Variants in EML3 observed in about 807,000 individuals in gnomAD.
The protein encoded by EML3 is EMAP like 3, also known as echinoderm microtubule-associated protein-like 3.
EML3 carries 53 observed loss-of-function variants against 106.7 expected under a neutral mutation model. The observed-to-expected ratio is 0.50, with a 90% CI of 0.40 to 0.62. The LOEUF (loss-of-function observed/expected upper bound fraction) is 0.62. EML3 is among the 20% of genes least tolerant of loss of function. The probability of loss-of-function intolerance (pLI) is 0.00; values close to 1 mark genes in which losing one functional copy is unlikely to be tolerated. For synonymous variants in EML3, 499 were observed against 489.6 expected, an observed-to-expected ratio of 1.02 and a Z score of -0.25; for missense variants, 994 against 1,209.1, an observed-to-expected ratio of 0.82 and a Z score of 2.64.
rs1451572407 is a variant in EML3 at position 62,610,961 on chromosome 11, G to A, written c.484C>T (p.Pro162Ser). 2 of 1,613,700 alleles carry A rather than the reference G, an allele frequency of 1.2e-6. No individual in the cohort carries two copies. Among genetic ancestry groups the A allele is most frequent in the African/African-American group, 1.3e-5 (1 of 74,912 alleles). ...PRRNSSSSSS[P>S]SERPRQKLSR... ...AGCTTCTGCCGAGGCCGCTCTGAGGGGGATGAGGAGGAGGAAGAATTTCTT... is the reference window on the plus strand; with the variant it reads ...AGCTTCTGCCGAGGCCGCTCTGAGGAGGATGAGGAGGAGGAAGAATTTCTT... Residue 162 changes from proline (P) to serine (S), a missense_variant, in exon 4 of 22, where the codon CCC becomes TCC. Physicochemically the swap from Pro to Ser is moderately conservative, Grantham distance 74. Coordinates refer to ENST00000394773, the MANE Select transcript of EML3 (RefSeq NM_153265.3).
rs766821851 is a variant in EML3, at chr11:62,602,677, G to T, written c.2489C>A (p.Ala830Glu). 1 of 1,597,416 alleles carries T rather than the reference G, an allele frequency of 6.3e-7. No homozygotes were observed. Reference protein sequence around the residue: ...LFQYPCARAKAPSRMYGGHGS... With the variant: ...LFQYPCARAKEPSRMYGGHGS... ...GTGGCCCCCGTACATGCGGCTCGGC[G>T]CCTGGGCCGGAGGGAAGAGTTGCGG... The change falls in exon 22 of 22, where the codon GCG becomes GAG. Residue 830 changes from alanine (A) to glutamate (E), a missense_variant and splice_region_variant. This residue lies in a region of EML3 where 713 missense variants were observed against 920.5 expected (regional missense o/e 0.77). Coordinates refer to ENST00000394773, the MANE Select transcript of EML3 (RefSeq NM_153265.3).
chr11:62,611,842 G>A (rs996013810), intron 1 of EML3: 6 of 551,746 alleles, frequency 1.1e-5, no homozygotes, highest in African/African-American at 9.5e-5. Context: ...GCAAAGACTG[G>A]GAGTACCATG....
chr11:62,603,018 C>CGAGGACCG, intron 20 of EML3, 129 bp from the exon 21 acceptor site: 1 of 1,487,244 alleles, frequency 6.7e-7, no homozygotes, highest in South Asian at 1.3e-5. Flanking sequence ...TTCCCGGTCC[C>CGAGGACCG]GAGGGGCCTC....
Position 62,605,978 on chromosome 11 carries a change from A to C in EML3, c.1659T>G (p.Ile553Met). The change falls in exon 14 of 22, where the codon ATT (isoleucine) becomes ATG (methionine). Residue 553 changes from isoleucine (I) to methionine (M), a missense_variant and splice_region_variant. Physicochemically the swap from Ile to Met is conservative, Grantham distance 10 (BLOSUM62 1). This residue lies in a region of EML3 where 713 missense variants were observed against 920.5 expected (regional missense o/e 0.77). Transcript: ENST00000394773. The surrounding 1 kb of genome is among the most constrained non-coding windows in gnomAD (Gnocchi z 5.2). ...PGLVALQEAEIPEHFGAVRAI... is the reference protein window; with the variant it reads ...PGLVALQEAEMPEHFGAVRAI... The stretch of plus-strand genomic sequence containing the variant: ...CTCGCACGGCCCCGAAGTGCTCGGG[A>C]ATCTGCAGAGTGGTAGCAGAATGTC... The C allele has an allele frequency of 6.2e-7, 1 of 1,614,050 alleles. No homozygotes were observed. The highest frequency in any genetic ancestry group is 8.5e-7 in the Non-Finnish European group (1 of 1,180,020).
chr11:62,608,760 T>C lies in EML3; in HGVS notation c.975A>G (p.Thr325=). ...PDGVRVASGQ[T]AGVDKDGKPL... is the part of the protein sequence containing the mutation. ...CCTTTCCATCCTTATCCACTCCAGC[T>C]GTCTGTCCCGAGGCTACCCGAACAC... The change falls in exon 8 of 22, where the codon ACA becomes ACG. Residue 325 remains threonine, a synonymous_variant. Transcript: ENST00000394773. The C allele has an allele frequency of 6.3e-7, 1 of 1,598,052 alleles. No individual in the cohort carries two copies. Among genetic ancestry groups the C allele is most frequent in the Non-Finnish European group, 8.5e-7 (1 of 1,170,522 alleles).
At position 62,607,685 on chromosome 11, in the gene EML3, C is replaced by T; in HGVS notation, c.1343G>A (p.Arg448Gln). The change falls in exon 11 of 22, where the codon CGG becomes CAG. Residue 448 changes from arginine (R) to glutamine (Q), a missense_variant. Around this residue, in one of 3 missense-constraint regions of EML3, gnomAD observed 713 missense variants for 920.5 expected, o/e 0.77. Coordinates refer to ENST00000394773, the MANE Select transcript of EML3 (RefSeq NM_153265.3). ...VGVPGNGTLT[R>Q]KQGVFGKYKK... ...CCTCACCCCAAAGACACCCTGTTTCCGGGTAAGGGTCCCATTCCCAGGAAC... is the reference window on the plus strand; with the variant it reads ...CCTCACCCCAAAGACACCCTGTTTCTGGGTAAGGGTCCCATTCCCAGGAAC... 2.5e-6 allele frequency: 4 copies of T among 1,613,688 alleles called. No individual in the cohort carries two copies. Among genetic ancestry groups the T allele is most frequent in the South Asian group, 1.1e-5 (1 of 91,044 alleles).
In EML3 at chr11:62,605,140, A is replaced by G. The variant is rs764792977; in HGVS notation, c.1955T>C (p.Val652Ala). 6 of 1,613,076 alleles carry G rather than the reference A, an allele frequency of 3.7e-6. No individual in the cohort carries two copies. The South Asian group carries it at 5.5e-5, about 15-fold the overall frequency. The change falls in exon 16 of 22, where the codon GTT becomes GCT. Residue 652 changes from valine (V) to alanine (A), a missense_variant. Coordinates refer to ENST00000394773, the MANE Select transcript of EML3 (RefSeq NM_153265.3). This position sits in a 1 kb window ranked among gnomAD's most constrained non-coding sequence, Gnocchi z 5.2. ...CCCCGTGTTCAGTCCTACGGCCACA[A>G]CTGCCCCACTCGGGTGGAAGTCAGC... The part of the protein sequence containing the change: ...LCADFHPSGA[V>A]VAVGLNTGRW...
rs745597748 is a variant in EML3, at chr11:62,609,003, G to A, written c.888C>T (p.Gly296=). 1.9e-5 allele frequency: 30 copies of A among 1,613,688 alleles called. 1 individual carries two copies. Among genetic ancestry groups the A allele is most frequent in the East Asian group, 2.2e-5 (1 of 44,884 alleles). The change falls in exon 7 of 22, where the codon GGC becomes GGT. Residue 296 remains glycine (G), a synonymous_variant. Transcript: ENST00000394773. ...PGGGPGGPGG[G]GQRHYRGHTD... ...TGTGCCCCCGGTAATGTCTCTGGCCGCCACCTCCAGGACCCCCTGGGCCTC... is the reference window on the plus strand; with the variant it reads ...TGTGCCCCCGGTAATGTCTCTGGCCACCACCTCCAGGACCCCCTGGGCCTC...
chr11:62,608,364 G>A (rs984335215), intron 9 of EML3, 68 bp from the exon 10 acceptor site: 64 of 1,471,804 alleles, frequency 4.3e-5, no homozygotes, highest in Non-Finnish European at 5.7e-5. Flanking sequence ...TGGTCATTAG[G>A]TTAAGAGGTA....
At chr11:62,608,121 T>C (rs1942624198) in intron 10 of EML3, 80 bp downstream of exon 10, 3 of 1,342,488 alleles carry the variant, frequency 2.2e-6, no homozygotes, top group East Asian at 2.3e-5. Flanking sequence ...AGGAAATGTA[T>C]GGGTGAGTCT....
chr11:62,609,312 G>A (rs1388171389), intron 6 of EML3, 42 bp downstream of exon 6: 51 of 1,538,180 alleles, frequency 3.3e-5, no homozygotes, highest in Non-Finnish European at 4.5e-5. Context: ...GGGTCCCAAG[G>A]TGAGAAAGGT....
chr11:62,603,328 A>G, intron 19 of EML3, 81 bp from the exon 20 acceptor site: 1 of 1,358,498 alleles, frequency 7.4e-7, no homozygotes, highest in Non-Finnish European at 1.0e-6. Context: ...GACTGGAAAG[A>G]CTGGCATGAA....
In EML3 at chr11:62,611,302, G is replaced by GGA; in HGVS notation, c.235_236dup (p.Leu80ProfsTer3). The GGA allele has an allele frequency of 1.2e-6, 2 of 1,613,036 alleles. No homozygotes were observed. Among genetic ancestry groups the GGA allele is most frequent in the Non-Finnish European group, 1.7e-6 (2 of 1,179,892 alleles). On this transcript the variant is annotated frameshift_variant, in exon 3 of 22. Coordinates refer to ENST00000394773, the MANE Select transcript of EML3 (RefSeq NM_153265.3). LOFTEE classifies it high-confidence loss of function. ...CCGTCTGGGTGCCTCGGCTCACCAA[G>GGA]GAAGGGGTGCACGTGGGTGGCAGTC... is the stretch of plus-strand genomic sequence containing the variant.
rs1942718257 is a variant in EML3, at chr11:62,609,704, G to C, written c.567-8C>G. 4.4e-6 allele frequency: 7 copies of C among 1,593,212 alleles called. No individual in the cohort carries two copies. In the African/African-American group the frequency reaches 8.1e-5, roughly 19 times the overall value. ...GGGTCTTTTCCCCCACGGCTGTTGG[G>C]AAGAGAGAAAGCACAGGGATTGGGG... On this transcript the variant is annotated splice_polypyrimidine_tract_variant and splice_region_variant and intron_variant, in intron 4 of 21. Transcript: ENST00000394773.
Position 62,611,554 on chromosome 11 carries a change from C to T in EML3, c.65G>A (p.Arg22Gln), listed in dbSNP as rs1465900615. 1.2e-6 allele frequency: 2 copies of T among 1,613,656 alleles called. No homozygotes were observed. The highest frequency in any genetic ancestry group is 8.5e-7 in the Non-Finnish European group (1 of 1,180,002). ...AREALQSLSQ[R>Q]LRVQEQEMEL... ...CATCTCCTGCTCCTGCACCCGAAGCCGCTGGCTCAGAGACTGGAGGGCCTC... is the reference window on the plus strand; with the variant it reads ...CATCTCCTGCTCCTGCACCCGAAGCTGCTGGCTCAGAGACTGGAGGGCCTC... Residue 22 changes from arginine to glutamine, a missense_variant, in exon 2 of 22, where the codon CGG (arginine) becomes CAG (glutamine). By Grantham distance (43) the Arg-to-Gln change is conservative. Around this residue, in one of 3 missense-constraint regions of EML3, gnomAD observed 269 missense variants for 265.1 expected, o/e 1.01. Transcript: ENST00000394773.
In EML3 at chr11:62,604,183, T is replaced by C; in HGVS notation, c.2001A>G (p.Thr667=). 6.2e-7 allele frequency: 1 copy of C among 1,613,746 alleles called. No individual in the cohort carries two copies. The highest frequency in any genetic ancestry group is 8.5e-7 in the Non-Finnish European group (1 of 1,179,914). ...CATCAGACACGATCTCTCTGGTCTC[T>C]GTGTCCAAAACCAACCACCTGGAAG... ...LNTGRWLVLD[T]ETREIVSDVI... The change falls in exon 17 of 22, where the codon ACA becomes ACG. Residue 667 remains threonine, a synonymous_variant. Transcript: ENST00000394773.
chr11:62,607,480 T>C, intron 11 of EML3, 186 bp downstream of exon 11: 1 of 604,926 alleles, frequency 1.7e-6, no homozygotes, highest in South Asian at 3.1e-5. Context: ...GACGTTGCAG[T>C]GAGCCGAGAT....
rs1414241408 is a variant in EML3, at chr11:62,603,222, C to G, written c.2283G>C (p.Gln761His). The G allele has an allele frequency of 6.2e-7, 1 of 1,613,810 alleles. No individual in the cohort carries two copies. The highest frequency in any genetic ancestry group is 8.5e-7 in the Non-Finnish European group (1 of 1,180,034). Residue 761 changes from glutamine (Q) to histidine (H), a missense_variant, in exon 20 of 22, where the codon CAG becomes CAC. Gln to His is a conservative substitution (Grantham distance 24). Around this residue, in one of 3 missense-constraint regions of EML3, gnomAD observed 713 missense variants for 920.5 expected, o/e 0.77. Coordinates refer to ENST00000394773, the MANE Select transcript of EML3 (RefSeq NM_153265.3). ...LYWDVAGGCKQLKNRYESRDR... is the reference protein window; with the variant it reads ...LYWDVAGGCKHLKNRYESRDR... ...CTCGGCTCTCATAGCGATTCTTCAG[C>G]TGCTTGCAGCCTCCAGCCACGTCCC... is the stretch of plus-strand genomic sequence containing the variant.
In EML3 at chr11:62,611,093, G is replaced by A. The variant is rs1237734988; in HGVS notation, c.446C>T (p.Ala149Val). 5 of 1,597,946 alleles carry A rather than the reference G, an allele frequency of 3.1e-6. No homozygotes were observed. The highest frequency in any genetic ancestry group is 1.3e-5 in the African/African-American group (1 of 74,846). Residue 149 changes from alanine (A) to valine (V), a missense_variant, in exon 3 of 22, where the codon GCT becomes GTT. Ala to Val is a moderately conservative substitution (Grantham distance 64). Around this residue, in one of 3 missense-constraint regions of EML3, gnomAD observed 269 missense variants for 265.1 expected, o/e 1.01. Coordinates refer to ENST00000394773, the MANE Select transcript of EML3 (RefSeq NM_153265.3). Reference sequence around the variant, plus strand: ...AGGGCCACAGGACACCTACGTGTCAGCACGCTGTGGGGGCTGCAAGGGCCT... The same window carrying A: ...AGGGCCACAGGACACCTACGTGTCAACACGCTGTGGGGGCTGCAAGGGCCT... ...ILRPLQPPQR[A>V]DTPRRNSSSS...
Sources: allele counts gnomAD v4.1 joint callset, GRCh38; gene constraint gnomAD v4.1.1; regional missense constraint gnomAD v4.1.1; non-coding constraint Gnocchi (gnomAD v3.1); transcripts MANE v1.5; gene names NCBI Gene and HGNC (gene_info 2026-07-23, HGNC 2026-07-21).